Variants in NRG3 observed in about 807,000 individuals in gnomAD.
NRG3 encodes the protein pro-neuregulin-3, membrane-bound isoform.
In NRG3, 31 loss-of-function variants were observed where a neutral mutation model predicts 66.9. The ratio of observed to expected loss-of-function variants is 0.46; its 90% CI spans 0.35 to 0.63. The LOEUF (loss-of-function observed/expected upper bound fraction) is 0.63. Among genes scored for constraint, NRG3 ranks in the 20% least tolerant of loss-of-function variants. The pLI, the probability that NRG3 is intolerant of heterozygous loss-of-function variation, is 0.00. For missense variants in NRG3, 910 were observed against 878.9 expected (o/e 1.04, Z -0.45); for synonymous variants, 393 against 359.4 (o/e 1.09, Z -1.06).
intron 2 of NRG3, among the ~76,000 whole-genome samples, chr10:82,555,619 T>A (rs1010942847): frequency 6.6e-6 from 1 of 152,172 alleles, no homozygotes; most frequent in Non-Finnish European, 1.5e-5. Context: ...TTCCTCAATG[T>A]CTGTCTTCTC....
At chr10:81,928,372 C>A (rs1050804401) in intron 1 of NRG3, among the ~76,000 whole-genome samples, 4 of 152,174 alleles carry the variant, frequency 2.6e-5, no homozygotes, top group African/African-American at 9.7e-5. Context: ...TGCGGAGTTT[C>A]CCCAGGTGAT....
intron 2 of NRG3, among the ~76,000 whole-genome samples, chr10:82,630,200 TAAG>T (rs2049719287): frequency 6.6e-6 from 1 of 151,736 alleles, no homozygotes; most frequent in African/African-American, 2.4e-5. Flanking sequence ...GAATTCGGAA[TAAG>T]AAGAAAATGG....
intron 2 of NRG3, among the ~76,000 whole-genome samples, chr10:82,628,644 C>A (rs1243846866): frequency 6.6e-6 from 1 of 152,142 alleles, no homozygotes; most frequent in Non-Finnish European, 1.5e-5. Context: ...CACATACACA[C>A]TCTTTCAACA....
At chr10:82,955,323 A>C (rs892995343) in intron 5 of NRG3, 1 of 151,954 alleles carries the variant, frequency 6.6e-6, no homozygotes, top group Non-Finnish European at 1.5e-5. Flanking sequence ...AACTCTAAAA[A>C]ACAGTGAAAG....
intron 1 of NRG3, among the ~76,000 whole-genome samples, chr10:82,140,328 A>C (rs955582132): frequency 6.6e-6 from 1 of 152,144 alleles, no homozygotes; most frequent in Non-Finnish European, 1.5e-5. Flanking sequence ...GTCTCTAAAC[A>C]ACTCCAGGGC....
intron 1 of NRG3, among the ~76,000 whole-genome samples, chr10:82,143,292 A>G (rs1460128722): frequency 6.6e-6 from 1 of 152,144 alleles, no homozygotes; most frequent in African/African-American, 2.4e-5. Context: ...GGATAATAAG[A>G]TGACACAGGG....
At chr10:82,486,099 A>G (rs1211855458) in intron 2 of NRG3, among the ~76,000 whole-genome samples, 1 of 152,214 alleles carries the variant, frequency 6.6e-6, no homozygotes, top group Non-Finnish European at 1.5e-5. Flanking sequence ...AAAATGAAAT[A>G]TCATCTCACA....
At chr10:82,509,866 C>T (rs998915859) in intron 2 of NRG3, among the ~76,000 whole-genome samples, 9 of 152,174 alleles carry the variant, frequency 5.9e-5, no homozygotes, top group African/African-American at 2.2e-4. Context: ...ACACTCTCCA[C>T]AACCTCTGTC....
chr10:82,104,288 T>C (rs1396407014), intron 1 of NRG3, among the ~76,000 whole-genome samples: 1 of 152,152 alleles, frequency 6.6e-6, no homozygotes, highest in African/African-American at 2.4e-5. Flanking sequence ...ATGTGTTAGC[T>C]ATACAGCCAT....
chr10:82,045,786 G>T (rs1430825709), intron 1 of NRG3, among the ~76,000 whole-genome samples: 1 of 71,980 alleles, frequency 1.4e-5, no homozygotes, highest in Non-Finnish European at 2.9e-5. Flanking sequence ...TTCTACATAT[G>T]GCTAGCCAGT....
At chr10:82,443,571 T>C (rs940511877) in intron 2 of NRG3, among the ~76,000 whole-genome samples, 3 of 152,192 alleles carry the variant, frequency 2.0e-5, no homozygotes, top group African/African-American at 7.2e-5. Context: ...CTCTAGTAAT[T>C]TGGCAAGTAC....
chr10:82,936,841 A>T (rs2132223103), intron 4 of NRG3, among the ~76,000 whole-genome samples: 1 of 152,252 alleles, frequency 6.6e-6, no homozygotes, highest in Admixed American at 6.5e-5. Context: ...CAGGCAGTGG[A>T]GGGGCAGGGA....
chr10:82,491,293 A>AATATATATATATATATATAC (rs1554942716), intron 2 of NRG3, among the ~76,000 whole-genome samples: 2,692 of 82,188 alleles, frequency 0.033, 303 homozygotes, highest in Non-Finnish European at 0.051. Flanking sequence ...GTTCCCATAA[A>AATATATATATATATATATAC]ATATATATAT....
chr10:82,070,052 CACATGCTTT>C (rs1564788789), intron 1 of NRG3, among the ~76,000 whole-genome samples: 9 of 152,192 alleles, frequency 5.9e-5, no homozygotes. Flanking sequence ...GTAGATCTAA[CACATGCTTT>C]ACATGTGTCA....
chr10:82,251,170 C>T (rs2077468791), intron 1 of NRG3, among the ~76,000 whole-genome samples: 1 of 152,114 alleles, frequency 6.6e-6, no homozygotes, highest in Admixed American at 6.5e-5. Context: ...TCCTATTCCC[C>T]CTGGCACTTA....
intron 2 of NRG3, among the ~76,000 whole-genome samples, chr10:82,580,419 C>T (rs542665970): frequency 2.0e-5 from 3 of 151,886 alleles, no homozygotes; most frequent in East Asian, 1.9e-4. Context: ...AACTGAAGTC[C>T]GTAGTTTCCA....
chr10:82,112,976 T>C (rs2067481602), intron 1 of NRG3, among the ~76,000 whole-genome samples: 1 of 152,152 alleles, frequency 6.6e-6, no homozygotes. Context: ...TCCCCCACAC[T>C]GCTCCTGGTC....
intron 2 of NRG3, among the ~76,000 whole-genome samples, chr10:82,694,651 G>A (rs1196517364): frequency 6.6e-6 from 1 of 152,090 alleles, no homozygotes; most frequent in Non-Finnish European, 1.5e-5. Flanking sequence ...CTACTTGGAG[G>A]CTGAGGCAGG....
At chr10:82,034,371 G>C (rs760266358) in intron 1 of NRG3, among the ~76,000 whole-genome samples, 20 of 152,112 alleles carry the variant, frequency 1.3e-4, no homozygotes, top group Non-Finnish European at 2.4e-4. Context: ...CAGTGGAGGT[G>C]TCTTGGAAAC....
Sources: gnomAD v4.1 joint callset for allele counts (sites outside exome capture counted in the v4.1 genomes callset) on GRCh38, gnomAD v4.1.1 for gene constraint, MANE v1.5 for transcripts, NCBI Gene and HGNC (gene_info 2026-07-23, HGNC 2026-07-21) for gene names.